SLC26A3: variants seen among roughly 807,000 people sequenced by gnomAD.
SLC26A3 encodes chloride anion exchanger.
SLC26A3 carries 64 observed loss-of-function variants against 85.6 expected under a neutral mutation model. The ratio of observed to expected loss-of-function variants is 0.75; its 90% confidence interval spans 0.61 to 0.92. The LOEUF (loss-of-function observed/expected upper bound fraction) is 0.92, where lower values mean the gene tolerates loss of function less well. Among genes scored for constraint, SLC26A3 ranks in the 40% least tolerant of loss-of-function variants. SLC26A3 has a pLI of 0.00. For missense variants in SLC26A3, 922 were observed against 927.3 expected (o/e 0.99, Z 0.07); for synonymous variants, 349 against 336.0 (o/e 1.04, Z -0.42).
chr7:107,795,324 T>C (rs1305961374), intron 1 of SLC26A3, among the ~76,000 whole-genome samples: 1 of 152,188 alleles, frequency 6.6e-6, no homozygotes, highest in Non-Finnish European at 1.5e-5. Flanking sequence ...TCCAACACAC[T>C]ATAGGCATTT....
At chr7:107,801,497 A>AGAG (rs1481577621) in intron 1 of SLC26A3, among the ~76,000 whole-genome samples, 1 of 152,232 alleles carries the variant, frequency 6.6e-6, no homozygotes, top group Non-Finnish European at 1.5e-5. Context: ...CACAGAGGCT[A>AGAG]GAGGAGCCTC....
At chr7:107,789,137 A>G (rs1444813113) in intron 6 of SLC26A3, among the ~76,000 whole-genome samples, 2 of 125,822 alleles carry the variant, frequency 1.6e-5, no homozygotes, top group Non-Finnish European at 3.3e-5. Context: ...TTTTTTTGAG[A>G]CAAGAGTCTC....
rs1225427264 is a variant in SLC26A3 at position 107,803,114 on chromosome 7, A to G, written c.-92T>C. On this transcript the variant is annotated 5_prime_UTR_variant, in exon 1 of 21. Coordinates refer to ENST00000340010, the MANE Select transcript of SLC26A3 (RefSeq NM_000111.3). ...CAATCATAAATTTGGTTCCTACCTG[A>G]CACATACTCTGTGAGGAGCTTCTGC... 2 of 152,326 alleles carry G rather than the reference A, an allele frequency of 1.3e-5. No homozygotes were observed. Among genetic ancestry groups the G allele is most frequent in the Non-Finnish European group, 2.9e-5 (2 of 68,034 alleles). 9.4% of individuals were successfully genotyped at this position (152,326 alleles called of 1,614,324 possible).
intron 18 of SLC26A3, among the ~76,000 whole-genome samples, chr7:107,769,001 A>G (rs1267460046): frequency 6.6e-6 from 1 of 152,180 alleles, no homozygotes; most frequent in African/African-American, 2.4e-5. Context: ...GGCAGCAGAG[A>G]CAGCAGGAAC....
chr7:107,766,239 A>G (rs1793912947), intron 20 of SLC26A3, among the ~76,000 whole-genome samples: 5 of 152,062 alleles, frequency 3.3e-5, no homozygotes, highest in Admixed American at 3.3e-4. Flanking sequence ...CTGGTGTTAA[A>G]TGTTTCTTTT....
chr7:107,770,000 C>CTGTCTTTCTTTCTT lies in SLC26A3; in HGVS notation c.2062+2053_2062+2054insAAGAAAGAAAGACA, dbSNP rs1306096940. 5.3e-5 allele frequency among the ~76,000 whole-genome samples: 7 copies of CTGTCTTTCTTTCTT among 131,102 alleles called. No individual in the cohort carries two copies. The East Asian group carries it at 1.6e-3, about 29-fold the overall frequency. The allele number at this position is 131,102 out of a possible 152,430, so 86.0% of individuals were successfully genotyped here. A position where few individuals can be genotyped will look rare whatever the true frequency, so the allele number is the denominator to read the frequency against. ...CCCTCCCTTCCTTCCTTCCTTTTTT[C>CTGTCTTTCTTTCTT]TCTTTCTTTCTTTCTTTCTTTCTTT... is the stretch of plus-strand genomic sequence containing the variant. On this transcript the variant is annotated intron_variant, in intron 18 of 20. Coordinates refer to ENST00000340010, the MANE Select transcript of SLC26A3 (RefSeq NM_000111.3).
chr7:107,774,542 A>C (rs1794079653), intron 16 of SLC26A3, among the ~76,000 whole-genome samples: 1 of 152,202 alleles, frequency 6.6e-6, no homozygotes, highest in Non-Finnish European at 1.5e-5. Flanking sequence ...CCACAGAGCA[A>C]GACACTGTCT....
chr7:107,771,424 T>C (rs1794028905), intron 18 of SLC26A3, among the ~76,000 whole-genome samples: 1 of 151,920 alleles, frequency 6.6e-6, no homozygotes, highest in African/African-American at 2.4e-5. Context: ...AGAAAGAGTC[T>C]GTGGAATTAG....
At chr7:107,801,054 C>T (rs929911051) in intron 1 of SLC26A3, among the ~76,000 whole-genome samples, 1 of 152,170 alleles carries the variant, frequency 6.6e-6, no homozygotes, top group African/African-American at 2.4e-5. Flanking sequence ...GAATCCCTGG[C>T]CATTTCTGTA....
chr7:107,796,404 G>T (rs1794500534), intron 1 of SLC26A3, among the ~76,000 whole-genome samples: 2 of 152,104 alleles, frequency 1.3e-5, no homozygotes, highest in Admixed American at 1.3e-4. Flanking sequence ...CCTCGGTTAT[G>T]ACATTTAGAT....
At chr7:107,787,712 A>G (rs1794322140) in intron 6 of SLC26A3, among the ~76,000 whole-genome samples, 1 of 152,228 alleles carries the variant, frequency 6.6e-6, no homozygotes, top group African/African-American at 2.4e-5. Context: ...AAGTTAGCAT[A>G]GTGTAGGTGG....
rs754233296 is a variant in SLC26A3 at position 107,791,231 on chromosome 7, C to T, written c.387G>A (p.Pro129=). 2.4e-5 allele frequency: 38 copies of T among 1,614,052 alleles called. No homozygotes were observed. The highest frequency in any genetic ancestry group is 1.1e-4 in the South Asian group (10 of 91,084). The change falls in exon 5 of 21, where the codon CCG becomes CCA. Residue 129 remains proline (P), a synonymous_variant. Coordinates refer to ENST00000340010, the MANE Select transcript of SLC26A3 (RefSeq NM_000111.3). ...CCACCATCATACTCAGAATCGGAAA[C>T]GGACCTAATTAACAGTGGGTGAATC... The part of the protein sequence containing the change: ...FGTSRHISVG[P]FPILSMMVGL...
intron 11 of SLC26A3, among the ~76,000 whole-genome samples, chr7:107,779,986 C>T (rs942557641): frequency 6.6e-6 from 1 of 152,000 alleles, no homozygotes; most frequent in African/African-American, 2.4e-5. Context: ...AAGGCCTAGG[C>T]TGCTCTTGTG....
chr7:107,780,986 T>C (rs1443855309), intron 11 of SLC26A3, among the ~76,000 whole-genome samples: 3 of 152,196 alleles, frequency 2.0e-5, no homozygotes, highest in Admixed American at 6.5e-5. Context: ...TTTAATTCTC[T>C]AAGTATAAAA....
intron 12 of SLC26A3, 39 bp from the exon 13 acceptor site, chr7:107,778,320 T>C (rs769382723): frequency 8.0e-7 from 1 of 1,248,008 alleles, no homozygotes; most frequent in South Asian, 1.2e-5. Flanking sequence ...CAATTTACTT[T>C]GATTAAAGTA....
Position 107,793,757 on chromosome 7 carries a change from C to T in SLC26A3, c.256G>A (p.Val86Met). Residue 86 changes from valine to methionine, a missense_variant, in exon 3 of 21, where the codon GTG (valine) becomes ATG (methionine). Transcript: ENST00000340010. ...DIVSGISTGIVAVLQGLAFAL... is the reference protein window; with the variant it reads ...DIVSGISTGIMAVLQGLAFAL... The stretch of plus-strand genomic sequence containing the variant: ...AAAATTTTACCTTGTAGTACGGCCA[C>T]AATCCCTGTGCTGATACCAGAAACA... 1.9e-6 allele frequency: 3 copies of T among 1,614,044 alleles called. No individual in the cohort carries two copies. The highest frequency in any genetic ancestry group is 2.2e-5 in the East Asian group (1 of 44,876).
Position 107,769,998 on chromosome 7 carries a change from T to TTG in SLC26A3, c.2062+2055_2062+2056insCA, listed in dbSNP as rs1370788228. On this transcript the variant is annotated intron_variant, in intron 18 of 20. Transcript: ENST00000340010. ...CTCCCTCCCTTCCTTCCTTCCTTTTTTCTCTTTCTTTCTTTCTTTCTTTCT... is the reference window on the plus strand; with the variant it reads ...CTCCCTCCCTTCCTTCCTTCCTTTTTTGTCTCTTTCTTTCTTTCTTTCTTTCT... Among the ~76,000 whole-genome samples, 81 of 88,020 alleles carry TTG rather than the reference T, an allele frequency of 9.2e-4. 2 individuals are homozygous for TTG. The East Asian group carries it at 0.028, about 30-fold the overall frequency. 57.7% of individuals were successfully genotyped at this position (88,020 alleles called of 152,430 possible).
chr7:107,789,734 C>T (rs372341417), intron 5 of SLC26A3, 46 bp from the exon 6 acceptor site: 1 of 1,575,158 alleles, frequency 6.3e-7, no homozygotes, highest in African/African-American at 1.3e-5. Flanking sequence ...TAGGAGTATA[C>T]CTCAGCAAAC....
At chr7:107,792,506 G>A (rs1046357050) in intron 3 of SLC26A3, among the ~76,000 whole-genome samples, 1 of 151,988 alleles carries the variant, frequency 6.6e-6, no homozygotes, top group South Asian at 2.1e-4. Context: ...GTTCACGATA[G>A]GGTTTGCACT....
Sources: allele counts gnomAD v4.1 joint callset (sites outside exome capture counted in the v4.1 genomes callset), GRCh38; gene constraint gnomAD v4.1.1; transcripts MANE v1.5; gene names NCBI Gene and HGNC (gene_info 2026-07-23, HGNC 2026-07-21).